Variants in CDK14 observed in about 807,000 individuals in gnomAD.
CDK14 encodes the protein cyclin dependent kinase 14.
In CDK14, 34 loss-of-function variants were observed where a neutral mutation model predicts 60.7. The observed-to-expected ratio is 0.56, with a 90% confidence interval of 0.43 to 0.75. The LOEUF (loss-of-function observed/expected upper bound fraction) is 0.75, where lower values mean the gene tolerates loss of function less well. CDK14 is among the 30% of genes least tolerant of loss of function. The probability of loss-of-function intolerance (pLI) is 0.00; values close to 1 mark genes in which losing one functional copy is unlikely to be tolerated. For missense variants in CDK14, 482 were observed against 564.1 expected, an observed-to-expected ratio of 0.85 and a Z score of 1.47; for synonymous variants, 197 against 203.7, an observed-to-expected ratio of 0.97 and a Z score of 0.28.
intron 2 of CDK14, among the ~76,000 whole-genome samples, chr7:90,652,201 T>C (rs1231349587): frequency 6.6e-6 from 1 of 152,218 alleles, no homozygotes; most frequent in Admixed American, 6.5e-5. Context: ...GAGTGACTGA[T>C]AGTTTGTGTA....
intron 10 of CDK14, among the ~76,000 whole-genome samples, chr7:91,029,624 T>C (rs11976536): frequency 0.032 from 4,194 of 132,518 alleles, 147 homozygotes; most frequent in African/African-American, 0.061. Context: ...CTCCCCACTC[T>C]CCTCTCCCCT....
chr7:91,066,330 C>T (rs912693223), intron 11 of CDK14, among the ~76,000 whole-genome samples: 4 of 152,138 alleles, frequency 2.6e-5, no homozygotes, highest in African/African-American at 7.2e-5. Context: ...TATGATCCTT[C>T]TATGGACCCC....
At chr7:90,918,712 G>T (rs988754082) in intron 8 of CDK14, among the ~76,000 whole-genome samples, 1 of 152,120 alleles carries the variant, frequency 6.6e-6, no homozygotes, top group Admixed American at 6.6e-5. Context: ...GGTTGAGATG[G>T]GCTTTTGCTG....
chr7:91,081,179 A>T (rs1043062084), intron 12 of CDK14, among the ~76,000 whole-genome samples: 3 of 152,202 alleles, frequency 2.0e-5, no homozygotes, highest in African/African-American at 7.2e-5. Flanking sequence ...AATTCAAACC[A>T]AGGCAATTTA....
intron 14 of CDK14, among the ~76,000 whole-genome samples, chr7:91,124,990 G>GC (rs1799898535): frequency 6.6e-6 from 1 of 152,294 alleles, no homozygotes; most frequent in Admixed American, 6.5e-5. Flanking sequence ...AGTCCCACTA[G>GC]ACAGTCTTTG....
intron 5 of CDK14, among the ~76,000 whole-genome samples, chr7:90,812,640 G>A (rs1244554440): frequency 6.6e-6 from 1 of 151,906 alleles, no homozygotes; most frequent in Non-Finnish European, 1.5e-5. Flanking sequence ...AGAAATATAT[G>A]AATGGCTAAT....
intron 8 of CDK14, among the ~76,000 whole-genome samples, chr7:90,946,402 T>G (rs1794100762): frequency 6.6e-6 from 1 of 152,152 alleles, no homozygotes; most frequent in Non-Finnish European, 1.5e-5. Context: ...TGCATATCTT[T>G]TAATAGGCCT....
At chr7:90,915,279 A>C (rs1392862422) in intron 7 of CDK14, among the ~76,000 whole-genome samples, 1 of 152,104 alleles carries the variant, frequency 6.6e-6, no homozygotes, top group Non-Finnish European at 1.5e-5. Flanking sequence ...TACTAAAAAT[A>C]ATACAAAAAA....
At chr7:90,613,233 G>A (rs1420563128) in intron 2 of CDK14, among the ~76,000 whole-genome samples, 1 of 152,164 alleles carries the variant, frequency 6.6e-6, no homozygotes, top group East Asian at 1.9e-4. Flanking sequence ...CTTTCAATTT[G>A]TAATTCTCAA....
rs1802955790 is a variant in CDK14, at chr7:91,208,072, T to C, written c.*936T>C. The stretch of plus-strand genomic sequence containing the variant: ...ATGAGCCTTGAAAGCAGTCTTGGCC[T>C]GTTAGGGCTTACAAAGTAAATTACA... On this transcript the variant is annotated 3_prime_UTR_variant, in exon 15 of 15. Coordinates refer to ENST00000380050, the MANE Select transcript of CDK14 (RefSeq NM_001287135.2). 6.6e-6 allele frequency: 1 copy of C among 152,630 alleles called. No individual in the cohort carries two copies. The highest frequency in any genetic ancestry group is 6.5e-5 in the Admixed American group (1 of 15,284). 9.5% of individuals were successfully genotyped at this position (152,630 alleles called of 1,614,324 possible).
At chr7:91,026,468 G>A (rs1028261588) in intron 10 of CDK14, among the ~76,000 whole-genome samples, 1 of 152,228 alleles carries the variant, frequency 6.6e-6, no homozygotes, top group African/African-American at 2.4e-5. Flanking sequence ...AAGTAAGATG[G>A]AAAATAGGAA....
chr7:90,604,329 G>T, intron 2 of CDK14, 80 bp downstream of exon 2: 1 of 737,480 alleles, frequency 1.4e-6, no homozygotes. Context: ...CTTTGTACCT[G>T]GAAACAAAAA....
chr7:90,998,262 T>C (rs139015719), intron 10 of CDK14, among the ~76,000 whole-genome samples: 173 of 152,358 alleles, frequency 1.1e-3, no homozygotes, highest in African/African-American at 4.1e-3. Context: ...TATGCTATTA[T>C]ATGAGAAATC....
At chr7:91,078,789 G>A (rs1798396177) in intron 11 of CDK14, among the ~76,000 whole-genome samples, 1 of 152,178 alleles carries the variant, frequency 6.6e-6, no homozygotes, top group Non-Finnish European at 1.5e-5. Flanking sequence ...AAGGGACATA[G>A]CAAATCATTA....
intron 12 of CDK14, among the ~76,000 whole-genome samples, chr7:91,099,597 G>A (rs770993434): frequency 4.6e-5 from 7 of 152,040 alleles, no homozygotes; most frequent in Non-Finnish European, 8.8e-5. Flanking sequence ...ATAATAAGAT[G>A]CCTATAATCG....
chr7:90,848,281 AGG>A (rs1398850169), intron 5 of CDK14, among the ~76,000 whole-genome samples: 4 of 152,022 alleles, frequency 2.6e-5, no homozygotes, highest in Non-Finnish European at 5.9e-5. Flanking sequence ...TTTTTAGTAG[AGG>A]TGAGGTTTCA....
At chr7:91,162,843 A>G (rs1801212784) in intron 14 of CDK14, among the ~76,000 whole-genome samples, 1 of 152,228 alleles carries the variant, frequency 6.6e-6, no homozygotes, top group South Asian at 2.1e-4. Context: ...TATTAGAGTT[A>G]TAGGTGCTCT....
chr7:90,869,506 G>C (rs1791297373), intron 6 of CDK14, among the ~76,000 whole-genome samples: 1 of 152,198 alleles, frequency 6.6e-6, no homozygotes, highest in South Asian at 2.1e-4. Context: ...CTTTGACTCA[G>C]AATGAGATGG....
chr7:90,939,191 A>G (rs1793840648), intron 8 of CDK14, among the ~76,000 whole-genome samples: 1 of 152,236 alleles, frequency 6.6e-6, no homozygotes, highest in Non-Finnish European at 1.5e-5. Context: ...TAAGATTTCA[A>G]ATAAAGCTTT....
Sources: allele counts gnomAD v4.1 joint callset (sites outside exome capture counted in the v4.1 genomes callset), GRCh38; gene constraint gnomAD v4.1.1; transcripts MANE v1.5; gene names NCBI Gene and HGNC (gene_info 2026-07-23, HGNC 2026-07-21).